ERI3: variants seen among roughly 807,000 people sequenced by gnomAD.
ERI3 encodes the protein ERI1 exoribonuclease family member 3, also known as ERI1 exoribonuclease 3.
ERI3 carries 18 observed loss-of-function variants against 44.4 expected under a neutral mutation model. The ratio of observed to expected loss-of-function variants is 0.41; its 90% CI spans 0.28 to 0.60. The LOEUF (loss-of-function observed/expected upper bound fraction) is 0.60. Ranked by LOEUF, ERI3 falls within the 20% of genes least tolerant of loss-of-function variation. The pLI is 0.36. For synonymous variants in ERI3, 183 were observed against 164.8 expected, an observed-to-expected ratio of 1.11 and a Z score of -0.84; for missense variants, 294 against 435.5, an observed-to-expected ratio of 0.68 and a Z score of 2.89.
At chr1:44,342,861 T>A (rs59054320) in intron 2 of ERI3, among the ~76,000 whole-genome samples, 465 of 14,290 alleles carry the variant, frequency 0.033, no homozygotes, top group Non-Finnish European at 0.042. Flanking sequence ...ATATATATTT[T>A]TTTTTTTTTT....
chr1:44,331,651 T>C (rs939628601), intron 3 of ERI3, among the ~76,000 whole-genome samples: 4 of 152,324 alleles, frequency 2.6e-5, no homozygotes, highest in East Asian at 1.9e-4. Context: ...AACAGTGAAA[T>C]ACTTGCCAGG....
chr1:44,239,531 T>C (rs536114852), intron 8 of ERI3, among the ~76,000 whole-genome samples: 1 of 152,334 alleles, frequency 6.6e-6, no homozygotes, highest in East Asian at 1.9e-4. Flanking sequence ...CCCAAATTCC[T>C]GCTGGGAGGC....
At chr1:44,297,933 C>T (rs1030276644) in intron 6 of ERI3, among the ~76,000 whole-genome samples, 1 of 152,222 alleles carries the variant, frequency 6.6e-6, no homozygotes, top group Non-Finnish European at 1.5e-5. Context: ...GTCACCCGTA[C>T]CAATATCAGC....
At chr1:44,311,570 C>A (rs1202221569) in intron 5 of ERI3, among the ~76,000 whole-genome samples, 1 of 152,146 alleles carries the variant, frequency 6.6e-6, no homozygotes, top group African/African-American at 2.4e-5. Flanking sequence ...ATTCTTTAAG[C>A]ACCCTGCTCC....
At chr1:44,249,764 C>G (rs916708165) in intron 7 of ERI3, among the ~76,000 whole-genome samples, 22 of 152,130 alleles carry the variant, frequency 1.4e-4, no homozygotes, top group Non-Finnish European at 2.9e-5. Context: ...GGTGCATAGC[C>G]AGAGGAGCCG....
chr1:44,320,749 A>T (rs894393598), intron 3 of ERI3, among the ~76,000 whole-genome samples: 3 of 152,312 alleles, frequency 2.0e-5, no homozygotes, highest in African/African-American at 7.2e-5. Context: ...TAAAACATGA[A>T]TGGAATTAGT....
intron 6 of ERI3, among the ~76,000 whole-genome samples, chr1:44,300,241 C>T (rs1164127774): frequency 2.6e-5 from 4 of 152,192 alleles, no homozygotes; most frequent in African/African-American, 9.6e-5. Flanking sequence ...AGTACCTTTA[C>T]CTTTTATCAG....
At chr1:44,288,500 C>T (rs1450884559) in intron 6 of ERI3, among the ~76,000 whole-genome samples, 1 of 152,136 alleles carries the variant, frequency 6.6e-6, no homozygotes, top group Non-Finnish European at 1.5e-5. Flanking sequence ...ACACCCTACC[C>T]CAGCTTAGAG....
Position 44,355,183 on chromosome 1 carries a change from G to A in ERI3, c.-157C>T, listed in dbSNP as rs1054582102. 8 of 1,198,184 alleles carry A rather than the reference G, an allele frequency of 6.7e-6. No individual in the cohort carries two copies. The African/African-American group carries it at 9.5e-5, about 14-fold the overall frequency. 74.2% of individuals were successfully genotyped at this position (1,198,184 alleles called of 1,614,324 possible). On this transcript the variant is annotated 5_prime_UTR_variant, in exon 1 of 9. Transcript: ENST00000372257. Reference sequence around the variant, plus strand: ...GCCAGGCAGAGGCAGGGCCAGCTCCGCCCGCTCCCCACCGCCCGTTCCCGG... The same window carrying A: ...GCCAGGCAGAGGCAGGGCCAGCTCCACCCGCTCCCCACCGCCCGTTCCCGG...
rs557464884 is a variant in ERI3, at chr1:44,312,268, A to T, written c.666+901T>A. ...TCCTGCAGATACTCTGCTTTCTCCT[A>T]TGCTTGATAAGGTCTGAGCTTTGGC... On this transcript the variant is annotated intron_variant, in intron 5 of 8. Coordinates refer to ENST00000372257, the MANE Select transcript of ERI3 (RefSeq NM_024066.3). Among the ~76,000 whole-genome samples the T allele has an allele frequency of 3.3e-5, 5 of 152,238 alleles. No individual in the cohort carries two copies. The East Asian group carries it at 9.7e-4, about 29-fold the overall frequency.
At chr1:44,319,793 C>A in intron 3 of ERI3, 49 bp from the exon 4 acceptor site, 1 of 1,337,008 alleles carries the variant, frequency 7.5e-7, no homozygotes, top group Non-Finnish European at 1.1e-6. Flanking sequence ...TTGTAATCAA[C>A]CATTTCCAAC....
At chr1:44,266,378 T>C (rs2154320847) in intron 7 of ERI3, among the ~76,000 whole-genome samples, 1 of 152,340 alleles carries the variant, frequency 6.6e-6, no homozygotes, top group East Asian at 1.9e-4. Context: ...TCAAAGGGAC[T>C]TGGAGTGTCT....
chr1:44,354,772 G>A (rs1006941286), intron 1 of ERI3, 120 bp downstream of exon 1: 2 of 1,262,862 alleles, frequency 1.6e-6, no homozygotes, highest in African/African-American at 3.1e-5. Flanking sequence ...GATTAAGTAA[G>A]CATCCAGGGT....
intron 8 of ERI3, among the ~76,000 whole-genome samples, chr1:44,224,110 G>GT: frequency 6.6e-6 from 1 of 152,208 alleles, no homozygotes; most frequent in African/African-American, 2.4e-5. Flanking sequence ...ATCTAATCAA[G>GT]TATGAACTTA....
At position 44,337,480 on chromosome 1, in the gene ERI3, TG is replaced by T. The variant is rs1431358682; in HGVS notation, c.489+1564del. Among the ~76,000 whole-genome samples, 7 of 152,310 alleles carry T rather than the reference TG, an allele frequency of 4.6e-5. 2 individuals are homozygous for T. The highest frequency in any genetic ancestry group is 1.7e-4 in the African/African-American group (7 of 41,566). ...GAAAATCCAGTAGTTTGGGGAGGCA[TG>T]GAAGAAGACTACAGTATAGGCAGGA... is the stretch of plus-strand genomic sequence containing the variant. On this transcript the variant is annotated intron_variant, in intron 3 of 8. Coordinates refer to ENST00000372257, the MANE Select transcript of ERI3 (RefSeq NM_024066.3).
intron 4 of ERI3, among the ~76,000 whole-genome samples, chr1:44,315,767 G>A (rs1486181989): frequency 2.0e-5 from 3 of 152,240 alleles, no homozygotes; most frequent in Admixed American, 6.5e-5. Flanking sequence ...GCCTTCTCAG[G>A]GAAGGCCTCA....
intron 3 of ERI3, among the ~76,000 whole-genome samples, chr1:44,328,977 C>T (rs1009126369): frequency 6.6e-6 from 1 of 152,236 alleles, no homozygotes; most frequent in African/African-American, 2.4e-5. Context: ...TAGACTGGCA[C>T]ATCTCTGTCA....
chr1:44,347,005 G>A (rs1161408359), intron 2 of ERI3, among the ~76,000 whole-genome samples: 1 of 152,058 alleles, frequency 6.6e-6, no homozygotes, highest in Non-Finnish European at 1.5e-5. Context: ...ATCCTCCCAA[G>A]TATCAAGCAG....
At chr1:44,320,103 C>T (rs78677421) in intron 3 of ERI3, among the ~76,000 whole-genome samples, 33 of 152,324 alleles carry the variant, frequency 2.2e-4, no homozygotes, top group African/African-American at 7.7e-4. Context: ...TTGCCCAGGT[C>T]CCTGTCCTGA....
Sources: allele counts gnomAD v4.1 joint callset (sites outside exome capture counted in the v4.1 genomes callset), GRCh38; gene constraint gnomAD v4.1.1; transcripts MANE v1.5; gene names NCBI Gene and HGNC (gene_info 2026-07-23, HGNC 2026-07-21).